The following NAALADL2 variants were observed in gnomAD, a reference collection of about 807,000 sequenced individuals.
NAALADL2 encodes the protein N-acetylated alpha-linked acidic dipeptidase like 2, also known as inactive N-acetylated-alpha-linked acidic dipeptidase-like protein 2.
NAALADL2 carries 76 observed loss-of-function variants against 87.2 expected under a neutral mutation model. The ratio of observed to expected loss-of-function variants is 0.87; its 90% confidence interval spans 0.72 to 1.05. NAALADL2 has a LOEUF of 1.05. Among genes scored for constraint, NAALADL2 ranks in the 50% least tolerant of loss-of-function variants. The pLI, the probability that NAALADL2 is intolerant of heterozygous loss-of-function variation, is 0.00. For missense variants in NAALADL2, 1,089 were observed against 945.8 expected, an observed-to-expected ratio of 1.15 and a Z score of -1.99; for synonymous variants, 354 against 331.0, an observed-to-expected ratio of 1.07 and a Z score of -0.75.
chr3:175,422,915 C>G (rs781284202), intron 5 of NAALADL2, among the ~76,000 whole-genome samples: 28 of 150,450 alleles, frequency 1.9e-4, no homozygotes, highest in Non-Finnish European at 3.1e-4. Context: ...GGGCCAGGCA[C>G]CAACTAAACT....
chr3:175,363,950 C>T (rs1336088910), intron 5 of NAALADL2, among the ~76,000 whole-genome samples: 4 of 148,076 alleles, frequency 2.7e-5, no homozygotes, highest in African/African-American at 9.8e-5. Flanking sequence ...ACAGATTTGA[C>T]ATTCGATTTG....
intron 6 of NAALADL2, among the ~76,000 whole-genome samples, chr3:175,457,849 C>T (rs1008411079): frequency 1.3e-5 from 2 of 151,190 alleles, no homozygotes; most frequent in Non-Finnish European, 2.9e-5. Flanking sequence ...TGAAATTCCA[C>T]TGTAAAGAAG....
chr3:174,931,441 A>G (rs1275191815), intron 1 of NAALADL2, among the ~76,000 whole-genome samples: 2 of 152,202 alleles, frequency 1.3e-5, no homozygotes, highest in Non-Finnish European at 2.9e-5. Flanking sequence ...TAGAATTATT[A>G]TAAAGATTAA....
chr3:175,271,244 C>A (rs1231745466), intron 4 of NAALADL2: 2 of 151,626 alleles, frequency 1.3e-5, no homozygotes, highest in East Asian at 3.9e-4. Context: ...TAATTTTTTC[C>A]CAAGCATTGT....
In NAALADL2 at chr3:175,763,319, C is replaced by T. The variant is rs185547449; in HGVS notation, c.2189+7901C>T. Among the ~76,000 whole-genome samples the T allele has an allele frequency of 1.5e-4, 23 of 152,138 alleles. No homozygotes were observed. In the East Asian group the frequency reaches 3.5e-3, roughly 23 times the overall value. On this transcript the variant is annotated intron_variant, in intron 13 of 13. Transcript: ENST00000454872. Reference sequence around the variant, plus strand: ...ACTACATTTTAGATTTTGGCATCAACCATTTTGTGGTTGAAATTTAATATC... The same window carrying T: ...ACTACATTTTAGATTTTGGCATCAATCATTTTGTGGTTGAAATTTAATATC...
intron 5 of NAALADL2, among the ~76,000 whole-genome samples, chr3:175,332,821 G>A (rs1034872328): frequency 8.6e-5 from 13 of 152,046 alleles, no homozygotes; most frequent in African/African-American, 3.1e-4. Context: ...TGAGAGTGAG[G>A]TGTTGAAGTC....
intron 2 of NAALADL2, among the ~76,000 whole-genome samples, chr3:175,134,647 A>C (rs1728818739): frequency 6.6e-6 from 1 of 152,188 alleles, no homozygotes; most frequent in Non-Finnish European, 1.5e-5. Flanking sequence ...TTTAATAGTT[A>C]ATAAAGCTCT....
At chr3:174,643,268 CAAGT>C (rs762374116) in intron 2 of NAALADL2, among the ~76,000 whole-genome samples, 28 of 152,136 alleles carry the variant, frequency 1.8e-4, no homozygotes, top group East Asian at 9.7e-4. Context: ...GGACAATAAA[CAAGT>C]AAGCAAATAG....
intron 1 of NAALADL2, among the ~76,000 whole-genome samples, chr3:175,011,862 T>G (rs1190805016): frequency 1.3e-5 from 2 of 152,152 alleles, no homozygotes; most frequent in African/African-American, 2.4e-5. Context: ...GGTGGGATTA[T>G]TAAGGATTGT....
intron 11 of NAALADL2, among the ~76,000 whole-genome samples, chr3:175,641,212 T>C (rs1334241138): frequency 2.0e-5 from 3 of 152,196 alleles, no homozygotes; most frequent in Non-Finnish European, 2.9e-5. Context: ...AATGCCACTT[T>C]GTCTCCCAAG....
intron 2 of NAALADL2, among the ~76,000 whole-genome samples, chr3:175,209,617 A>C (rs1741463534): frequency 6.6e-6 from 1 of 152,010 alleles, no homozygotes; most frequent in South Asian, 2.1e-4. Context: ...GATCAACAAA[A>C]GATTAAGTAC....
chr3:175,638,751 A>T lies in NAALADL2; in HGVS notation c.1896+11365A>T, dbSNP rs181809812. ...TCCAGAAACCAAAACAGATGAAAAC[A>T]TACATCATTTGGAAAATCTGAACAA... On this transcript the variant is annotated intron_variant, in intron 11 of 13. Coordinates refer to ENST00000454872, the MANE Select transcript of NAALADL2 (RefSeq NM_207015.3). 1.2e-4 allele frequency among the ~76,000 whole-genome samples: 19 copies of T among 152,352 alleles called. No individual in the cohort carries two copies. In the East Asian group the frequency reaches 3.7e-3, roughly 29 times the overall value.
chr3:174,794,027 T>C (rs1417289562), intron 3 of NAALADL2, among the ~76,000 whole-genome samples: 7 of 152,086 alleles, frequency 4.6e-5, no homozygotes, highest in Admixed American at 1.3e-4. Context: ...AATCCTTCCA[T>C]TACAAGTACA....
intron 1 of NAALADL2, among the ~76,000 whole-genome samples, chr3:174,871,989 A>G (rs1163864267): frequency 1.3e-5 from 2 of 152,168 alleles, no homozygotes; most frequent in Admixed American, 6.5e-5. Flanking sequence ...ATATTTTAAT[A>G]TAGAAATATG....
intron 4 of NAALADL2, among the ~76,000 whole-genome samples, chr3:175,301,298 A>G (rs1411893798): frequency 1.3e-5 from 2 of 152,178 alleles, no homozygotes; most frequent in Non-Finnish European, 2.9e-5. Context: ...CCCGACAGGG[A>G]TAGCATTAGG....
intron 2 of NAALADL2, among the ~76,000 whole-genome samples, chr3:174,561,548 G>C (rs748467188): frequency 2.0e-5 from 3 of 152,026 alleles, no homozygotes; most frequent in Non-Finnish European, 2.9e-5. Flanking sequence ...ATCACCTAAG[G>C]AGTGATGAAG....
At chr3:174,862,509 G>C (rs1466976478) in intron 1 of NAALADL2, among the ~76,000 whole-genome samples, 1 of 152,018 alleles carries the variant, frequency 6.6e-6, no homozygotes, top group Non-Finnish European at 1.5e-5. Context: ...GTCAGAATTG[G>C]AAAATGGGGA....
chr3:175,805,453 TTATACC>T lies in NAALADL2; in HGVS notation c.*2253_*2258del, dbSNP rs1754618475. The T allele has an allele frequency of 6.6e-6, 1 of 151,848 alleles. No individual in the cohort carries two copies. Among genetic ancestry groups the T allele is most frequent in the Non-Finnish European group, 1.5e-5 (1 of 67,864 alleles). The allele number at this position is 151,848 out of a possible 1,614,324, so 9.4% of individuals were successfully genotyped here. ...TTAAAAGATACGTGGAGATATTAAA[TTATACC>T]TAAAGCAGACGTCCAACAAATTCTG... On this transcript the variant is annotated 3_prime_UTR_variant, in exon 14 of 14. Transcript: ENST00000454872.
At chr3:175,626,127 A>G (rs1237311490) in intron 10 of NAALADL2, among the ~76,000 whole-genome samples, 7 of 151,988 alleles carry the variant, frequency 4.6e-5, no homozygotes, top group African/African-American at 1.7e-4. Context: ...GTATGTGCTA[A>G]CACTGAATTT....
Sources: allele counts gnomAD v4.1 joint callset (sites outside exome capture counted in the v4.1 genomes callset), GRCh38; gene constraint gnomAD v4.1.1; transcripts MANE v1.5; gene names NCBI Gene and HGNC (gene_info 2026-07-23, HGNC 2026-07-21).